Variants in CHMP1B observed in about 807,000 individuals in gnomAD.
The protein encoded by CHMP1B is charged multivesicular body protein 1B, also known as VPS46 homolog B.
A neutral mutation model predicts 11.5 loss-of-function variants in CHMP1B; 5 were observed. That is an observed-to-expected ratio of 0.43 (90% CI 0.23 to 0.91). The LOEUF (loss-of-function observed/expected upper bound fraction) is 0.91. Among genes scored for constraint, CHMP1B ranks in the 40% least tolerant of loss-of-function variants. CHMP1B has a pLI of 0.25. For synonymous variants in CHMP1B, 105 were observed against 105.7 expected, an observed-to-expected ratio of 0.99 and a Z score of 0.04; for missense variants, 246 against 261.2, an observed-to-expected ratio of 0.94 and a Z score of 0.40.
rs1034702410 is a variant in CHMP1B, at chr18:11,852,400, A to C, written c.*289A>C. On this transcript the variant is annotated 3_prime_UTR_variant, in exon 1 of 1. Coordinates refer to ENST00000526991, the MANE Select transcript of CHMP1B (RefSeq NM_020412.5). ...GAATCTTTCTCGAAGATCTGGTCAA[A>C]ACTGTATTCAGTTTCCTGCCCAGAA... 1.4e-5 allele frequency: 5 copies of C among 368,540 alleles called. No individual in the cohort carries two copies. The highest frequency in any genetic ancestry group is 1.0e-4 in the African/African-American group (5 of 48,384). The allele number at this position is 368,540 out of a possible 1,614,324, so 22.8% of individuals were successfully genotyped here. A position where few individuals can be genotyped will look rare whatever the true frequency, so the allele number is the denominator to read the frequency against.
At position 11,852,775 on chromosome 18, in the gene CHMP1B, T is replaced by G. The variant is rs1341048954; in HGVS notation, c.*664T>G. The G allele has an allele frequency of 1.2e-5, 2 of 166,910 alleles. No homozygotes were observed. The highest frequency in any genetic ancestry group is 2.9e-5 in the Non-Finnish European group (2 of 68,112). The allele number at this position is 166,910 out of a possible 1,614,324, so 10.3% of individuals were successfully genotyped here. On this transcript the variant is annotated 3_prime_UTR_variant, in exon 1 of 1. Transcript: ENST00000526991. ...TTCTATAAATTTTTCACGTGATAAT[T>G]GTCTTTGCGTAACTGGGAAAAATGC...
In CHMP1B at chr18:11,852,446, G is replaced by C. The variant is rs1044251196; in HGVS notation, c.*335G>C. On this transcript the variant is annotated 3_prime_UTR_variant, in exon 1 of 1. Coordinates refer to ENST00000526991, the MANE Select transcript of CHMP1B (RefSeq NM_020412.5). ...CAGAATGATCAGATTGAAGGTGGTT[G>C]GTTTTTATTATTATTTAGTGTGATT... 1 of 266,518 alleles carries C rather than the reference G, an allele frequency of 3.8e-6. No individual in the cohort carries two copies. Among genetic ancestry groups the C allele is most frequent in the Admixed American group, 5.0e-5 (1 of 20,022 alleles). The allele number at this position is 266,518 out of a possible 1,614,324, so 16.5% of individuals were successfully genotyped here.
chr18:11,852,853 C>T lies in CHMP1B; in HGVS notation c.*742C>T, dbSNP rs2035913233. The T allele has an allele frequency of 6.0e-6, 1 of 166,920 alleles. No individual in the cohort carries two copies. Among genetic ancestry groups the T allele is most frequent in the Non-Finnish European group, 1.5e-5 (1 of 68,074 alleles). The allele number at this position is 166,920 out of a possible 1,614,324, so 10.3% of individuals were successfully genotyped here. ...AATTAAATTTGTTCATTTATATTTT[C>T]TACTTACTAAATTGAGTTTTTAAAA... On this transcript the variant is annotated 3_prime_UTR_variant, in exon 1 of 1. Transcript: ENST00000526991.
In CHMP1B at chr18:11,853,969, T is replaced by C. The variant is rs2035943262; in HGVS notation, c.*1858T>C. On this transcript the variant is annotated 3_prime_UTR_variant, in exon 1 of 1. Coordinates refer to ENST00000526991, the MANE Select transcript of CHMP1B (RefSeq NM_020412.5). ...TGCCGAGTAGCTGGAATTACAGGTG[T>C]GCACCACCATGCCCAGCTAGTTTTT... The C allele has an allele frequency of 6.0e-6, 1 of 165,304 alleles. No individual in the cohort carries two copies. The highest frequency in any genetic ancestry group is 2.4e-5 in the African/African-American group (1 of 41,448). 10.2% of individuals were successfully genotyped at this position (165,304 alleles called of 1,614,324 possible).
rs1405306579 is a variant in CHMP1B at position 11,851,504 on chromosome 18, G to A, written c.-8G>A. 1.3e-6 allele frequency: 2 copies of A among 1,550,828 alleles called. No homozygotes were observed. Among genetic ancestry groups the A allele is most frequent in the Admixed American group, 2.1e-5 (1 of 47,638 alleles). ...GCCGGGCCGCCGACCCAAAGGAGCCGTCCGACTATGTCTAACATGGAGAAA... is the reference window on the plus strand; with the variant it reads ...GCCGGGCCGCCGACCCAAAGGAGCCATCCGACTATGTCTAACATGGAGAAA... On this transcript the variant is annotated 5_prime_UTR_variant, in exon 1 of 1. Coordinates refer to ENST00000526991, the MANE Select transcript of CHMP1B (RefSeq NM_020412.5).
chr18:11,852,188 C>T lies in CHMP1B; in HGVS notation c.*77C>T, dbSNP rs554817121. 4.2e-6 allele frequency: 6 copies of T among 1,442,270 alleles called. No homozygotes were observed. The East Asian group carries it at 1.0e-4, about 24-fold the overall frequency. 89.3% of individuals were successfully genotyped at this position (1,442,270 alleles called of 1,614,324 possible). A position where few individuals can be genotyped will look rare whatever the true frequency, so the allele number is the denominator to read the frequency against. ...CTCTGTGTGTTAGAGAGATACTATA[C>T]CCTAGAAACTCTGAACACGCCAGAA... On this transcript the variant is annotated 3_prime_UTR_variant, in exon 1 of 1. Transcript: ENST00000526991.
Position 11,851,503 on chromosome 18 carries a change from C to A in CHMP1B, c.-9C>A, listed in dbSNP as rs775421267. 6.5e-7 allele frequency: 1 copy of A among 1,548,218 alleles called. No individual in the cohort carries two copies. On this transcript the variant is annotated 5_prime_UTR_variant, in exon 1 of 1. Coordinates refer to ENST00000526991, the MANE Select transcript of CHMP1B (RefSeq NM_020412.5). ...AGCCGGGCCGCCGACCCAAAGGAGC[C>A]GTCCGACTATGTCTAACATGGAGAA...
In CHMP1B at chr18:11,853,181, T is replaced by C. The variant is rs2035921974; in HGVS notation, c.*1070T>C. On this transcript the variant is annotated 3_prime_UTR_variant, in exon 1 of 1. Coordinates refer to ENST00000526991, the MANE Select transcript of CHMP1B (RefSeq NM_020412.5). ...AAAAGCAAGAACTCTTGGAAATCCT[T>C]GAAAATATAAGCTGGAATGTTTTAC... 3 of 167,098 alleles carry C rather than the reference T, an allele frequency of 1.8e-5. No homozygotes were observed. The allele number at this position is 167,098 out of a possible 1,614,324, so 10.4% of individuals were successfully genotyped here.
In CHMP1B at chr18:11,852,217, T is replaced by A; in HGVS notation, c.*106T>A. The A allele has an allele frequency of 7.4e-7, 1 of 1,354,862 alleles. No individual in the cohort carries two copies. Among genetic ancestry groups the A allele is most frequent in the South Asian group, 1.5e-5 (1 of 65,260 alleles). 83.9% of individuals were successfully genotyped at this position (1,354,862 alleles called of 1,614,324 possible). The stretch of plus-strand genomic sequence containing the variant: ...AGAAACTCTGAACACGCCAGAATGC[T>A]GAAATGCCCTTCTACCTTTGGGTTT... On this transcript the variant is annotated 3_prime_UTR_variant, in exon 1 of 1. Transcript: ENST00000526991.
rs1190250487 is a variant in CHMP1B, at chr18:11,853,698, A to G, written c.*1587A>G. On this transcript the variant is annotated 3_prime_UTR_variant, in exon 1 of 1. Coordinates refer to ENST00000526991, the MANE Select transcript of CHMP1B (RefSeq NM_020412.5). ...TAAGTTATTTTATATTTGACTGGAC[A>G]TTGTTCAGAAGTGTGCTTTAAGGGA... The G allele has an allele frequency of 2.4e-5, 4 of 167,046 alleles. No homozygotes were observed. The highest frequency in any genetic ancestry group is 4.4e-5 in the Non-Finnish European group (3 of 68,124). The allele number at this position is 167,046 out of a possible 1,614,324, so 10.3% of individuals were successfully genotyped here.
Position 11,851,423 on chromosome 18 carries a change from G to T in CHMP1B, c.-89G>T, listed in dbSNP as rs2035860868. The T allele has an allele frequency of 7.1e-7, 1 of 1,414,126 alleles. No homozygotes were observed. The highest frequency in any genetic ancestry group is 1.5e-5 in the South Asian group (1 of 65,778). 87.6% of individuals were successfully genotyped at this position (1,414,126 alleles called of 1,614,324 possible). ...AACAGGAAGTGGGACCAAAACAAAG[G>T]AGCGGCGGCCGGGAGCGGACTTACC... On this transcript the variant is annotated 5_prime_UTR_variant, in exon 1 of 1. Coordinates refer to ENST00000526991, the MANE Select transcript of CHMP1B (RefSeq NM_020412.5).
rs199546497 is a variant in CHMP1B, at chr18:11,853,845, CAG to C, written c.*1737_*1738del. The C allele has an allele frequency of 0.015, 2,568 of 167,066 alleles. 52 individuals carry two copies. The highest frequency in any genetic ancestry group is 0.048 in the African/African-American group (1,978 of 41,468). 10.3% of individuals were successfully genotyped at this position (167,066 alleles called of 1,614,324 possible). A position where few individuals can be genotyped will look rare whatever the true frequency, so the allele number is the denominator to read the frequency against. On this transcript the variant is annotated 3_prime_UTR_variant, in exon 1 of 1. Coordinates refer to ENST00000526991, the MANE Select transcript of CHMP1B (RefSeq NM_020412.5). ...CCCCTCTTTTATTTTATTTTTGAGA[CAG>C]AGTCTCGCTCTGTTGCCCAGGCTGG... is the stretch of plus-strand genomic sequence containing the variant.
chr18:11,851,590 A>C lies in CHMP1B; in HGVS notation c.79A>C (p.Lys27Gln). ...GAGTAGGAGTGCCAAAAAATGCGAT[A>C]AGGAGGAAAAGGCCGAAAAGGCCAA... ...ELSRSAKKCD[K>Q]EEKAEKAKIK... The change falls in exon 1 of 1, where the codon AAG (lysine) becomes CAG (glutamine). Residue 27 changes from lysine to glutamine, a missense_variant. Coordinates refer to ENST00000526991, the MANE Select transcript of CHMP1B (RefSeq NM_020412.5). 7 of 1,613,314 alleles carry C rather than the reference A, an allele frequency of 4.3e-6. No homozygotes were observed. Among genetic ancestry groups the C allele is most frequent in the Non-Finnish European group, 5.9e-6 (7 of 1,179,566 alleles).
rs1006837830 is a variant in CHMP1B, at chr18:11,853,466, A to C, written c.*1355A>C. ...AAGCATGCTAACCTAAGTTAATTCAAGTTTTTTTTAACTTACCCTTTCCTT... is the reference window on the plus strand; with the variant it reads ...AAGCATGCTAACCTAAGTTAATTCACGTTTTTTTTAACTTACCCTTTCCTT... On this transcript the variant is annotated 3_prime_UTR_variant, in exon 1 of 1. Coordinates refer to ENST00000526991, the MANE Select transcript of CHMP1B (RefSeq NM_020412.5). The C allele has an allele frequency of 6.0e-6, 1 of 167,132 alleles. No homozygotes were observed. The highest frequency in any genetic ancestry group is 2.4e-5 in the African/African-American group (1 of 41,462). The allele number at this position is 167,132 out of a possible 1,614,324, so 10.4% of individuals were successfully genotyped here.
Position 11,853,216 on chromosome 18 carries a change from C to A in CHMP1B, c.*1105C>A, listed in dbSNP as rs117509514. On this transcript the variant is annotated 3_prime_UTR_variant, in exon 1 of 1. Coordinates refer to ENST00000526991, the MANE Select transcript of CHMP1B (RefSeq NM_020412.5). Reference sequence around the variant, plus strand: ...AGCTGGAATGTTTTACTTAGCCATGCAAGTCATTTATGTATACATCCAGCC... The same window carrying A: ...AGCTGGAATGTTTTACTTAGCCATGAAAGTCATTTATGTATACATCCAGCC... 0.018 allele frequency: 3,060 copies of A among 167,144 alleles called. 36 individuals are homozygous for A. The highest frequency in any genetic ancestry group is 0.028 in the Non-Finnish European group (1,908 of 68,094). The allele number at this position is 167,144 out of a possible 1,614,324, so 10.4% of individuals were successfully genotyped here.
rs2035861024 is a variant in CHMP1B, at chr18:11,851,425, G to T, written c.-87G>T. ...CAGGAAGTGGGACCAAAACAAAGGA[G>T]CGGCGGCCGGGAGCGGACTTACCTT... is the stretch of plus-strand genomic sequence containing the variant. On this transcript the variant is annotated 5_prime_UTR_variant, in exon 1 of 1. Coordinates refer to ENST00000526991, the MANE Select transcript of CHMP1B (RefSeq NM_020412.5). The T allele has an allele frequency of 7.1e-6, 10 of 1,418,020 alleles. No individual in the cohort carries two copies. Among genetic ancestry groups the T allele is most frequent in the Non-Finnish European group, 9.2e-6 (10 of 1,081,184 alleles). The allele number at this position is 1,418,020 out of a possible 1,614,324, so 87.8% of individuals were successfully genotyped here. A position where few individuals can be genotyped will look rare whatever the true frequency, so the allele number is the denominator to read the frequency against.
Position 11,853,068 on chromosome 18 carries a change from G to T in CHMP1B, c.*957G>T, listed in dbSNP as rs1302551656. ...GAGAAAACCCTAGGACTGTGTGTGT[G>T]TAGGTTTTGTTTTGATTTTAACAAC... On this transcript the variant is annotated 3_prime_UTR_variant, in exon 1 of 1. Transcript: ENST00000526991. 1 of 167,088 alleles carries T rather than the reference G, an allele frequency of 6.0e-6. No homozygotes were observed. Among genetic ancestry groups the T allele is most frequent in the Admixed American group, 6.5e-5 (1 of 15,286 alleles). The allele number at this position is 167,088 out of a possible 1,614,324, so 10.4% of individuals were successfully genotyped here.
Position 11,852,158 on chromosome 18 carries a change from A to T in CHMP1B, c.*47A>T. ...TTCCTGGCCATAGCCACCCTTTGAAATGCTCTCTGTGTGTTAGAGAGATAC... is the reference window on the plus strand; with the variant it reads ...TTCCTGGCCATAGCCACCCTTTGAATTGCTCTCTGTGTGTTAGAGAGATAC... On this transcript the variant is annotated 3_prime_UTR_variant, in exon 1 of 1. Transcript: ENST00000526991. 2 of 1,514,448 alleles carry T rather than the reference A, an allele frequency of 1.3e-6. No individual in the cohort carries two copies. The highest frequency in any genetic ancestry group is 1.8e-6 in the Non-Finnish European group (2 of 1,128,998). The allele number at this position is 1,514,448 out of a possible 1,614,324, so 93.8% of individuals were successfully genotyped here. A position where few individuals can be genotyped will look rare whatever the true frequency, so the allele number is the denominator to read the frequency against.
chr18:11,851,723 G>C lies in CHMP1B; in HGVS notation c.212G>C (p.Arg71Pro), dbSNP rs772566478. The change falls in exon 1 of 1, where the codon CGA becomes CCA. Residue 71 changes from arginine (R) to proline (P), a missense_variant. Physicochemically the swap from Arg to Pro is moderately radical, Grantham distance 103 (BLOSUM62 -2). Transcript: ENST00000526991. ...QAVNFLRMSA[R>P]VDAVAARVQT... ...GTGAATTTCTTGAGAATGAGTGCGC[G>C]AGTCGATGCAGTGGCTGCCAGGGTC... 3 of 1,614,040 alleles carry C rather than the reference G, an allele frequency of 1.9e-6. No individual in the cohort carries two copies. The highest frequency in any genetic ancestry group is 2.5e-6 in the Non-Finnish European group (3 of 1,179,900).
Sources: gnomAD v4.1 joint callset for allele counts on GRCh38, gnomAD v4.1.1 for gene constraint, MANE v1.5 for transcripts, NCBI Gene and HGNC (gene_info 2026-07-23, HGNC 2026-07-21) for gene names.